Variants in MSRA observed in about 807,000 individuals in gnomAD.
The protein encoded by MSRA is mitochondrial peptide methionine sulfoxide reductase.
A neutral mutation model predicts 31.3 loss-of-function variants in MSRA; 54 were observed. The ratio of observed to expected loss-of-function variants is 1.73; its 90% CI spans 1.39 to 2.17. The LOEUF (loss-of-function observed/expected upper bound fraction) is 2.17. Ranked by LOEUF, MSRA falls within the 30% of genes most tolerant of loss-of-function variation. The probability of loss-of-function intolerance (pLI) is 0.00; values close to 1 mark genes in which losing one functional copy is unlikely to be tolerated. For missense variants in MSRA, 507 were observed against 300.9 expected, an observed-to-expected ratio of 1.69 and a Z score of -5.07; for synonymous variants, 169 against 116.5, an observed-to-expected ratio of 1.45 and a Z score of -2.90.
chr8:10,100,282 A>C (rs1471078606), intron 1 of MSRA, among the ~76,000 whole-genome samples: 1 of 151,970 alleles, frequency 6.6e-6, no homozygotes, highest in Non-Finnish European at 1.5e-5. Context: ...GGAGAGGGAG[A>C]GGCAGAGTCA....
intron 1 of MSRA, among the ~76,000 whole-genome samples, chr8:10,172,285 A>G (rs1805660237): frequency 6.6e-6 from 1 of 152,138 alleles, no homozygotes; most frequent in Admixed American, 6.5e-5. Flanking sequence ...TCAGCAAAGG[A>G]ATGCCATTTA....
At chr8:10,309,045 G>GATATCGTCCTCAGA in intron 4 of MSRA, among the ~76,000 whole-genome samples, 1 of 152,350 alleles carries the variant, frequency 6.6e-6, no homozygotes, top group Non-Finnish European at 1.5e-5. Context: ...CTCAGCTGAA[G>GATATCGTCCTCAGA]ATATCGTCCT....
chr8:10,095,555 TGA>T lies in MSRA; in HGVS notation c.142+40906_142+40907del, dbSNP rs1310651996. 3.1e-6 allele frequency: 3 copies of T among 983,520 alleles called. No individual in the cohort carries two copies. The African/African-American group carries it at 5.3e-5, about 17-fold the overall frequency. The allele number at this position is 983,520 out of a possible 1,614,324, so 60.9% of individuals were successfully genotyped here. A position where few individuals can be genotyped will look rare whatever the true frequency, so the allele number is the denominator to read the frequency against. ...GGTTGCCATACTGGGAGCAAAAGAG[TGA>T]GAGAGAGAAAGAGGGAGAGAGAGAG... On this transcript the variant is annotated intron_variant, in intron 1 of 5. Coordinates refer to ENST00000317173, the MANE Select transcript of MSRA (RefSeq NM_012331.5).
intron 1 of MSRA, among the ~76,000 whole-genome samples, chr8:10,123,321 G>A (rs995194899): frequency 5.9e-5 from 9 of 152,178 alleles, no homozygotes; most frequent in Non-Finnish European, 1.3e-4. Flanking sequence ...CTGCATGTAT[G>A]TTGTCTATTG....
In MSRA at chr8:10,319,208, C is replaced by T. The variant is rs533901102; in HGVS notation, c.437-675C>T. 7.9e-5 allele frequency among the ~76,000 whole-genome samples: 12 copies of T among 152,330 alleles called. No homozygotes were observed. In the East Asian group the frequency reaches 2.1e-3, roughly 27 times the overall value. On this transcript the variant is annotated intron_variant, in intron 4 of 5. Coordinates refer to ENST00000317173, the MANE Select transcript of MSRA (RefSeq NM_012331.5). ...ATGCTACTGGGTCCAATTCCTGAAT[C>T]CCAGTGCCTGGTTCATTTTCACCAC...
chr8:10,373,403 G>T (rs904295642), intron 5 of MSRA, among the ~76,000 whole-genome samples: 3 of 152,242 alleles, frequency 2.0e-5, no homozygotes, highest in Non-Finnish European at 4.4e-5. Flanking sequence ...CTGTGTTGCT[G>T]TGTTGCACAG....
intron 1 of MSRA, among the ~76,000 whole-genome samples, chr8:10,205,408 A>C (rs1374185951): frequency 6.6e-6 from 1 of 152,070 alleles, no homozygotes; most frequent in Non-Finnish European, 1.5e-5. Context: ...GACAGTTAGA[A>C]AGCAGGAGCA....
At chr8:10,295,546 C>T (rs371070053) in intron 3 of MSRA, among the ~76,000 whole-genome samples, 1 of 152,200 alleles carries the variant, frequency 6.6e-6, no homozygotes, top group East Asian at 1.9e-4. Flanking sequence ...GTTCTGACGG[C>T]TCTGCTCGGC....
intron 5 of MSRA, among the ~76,000 whole-genome samples, chr8:10,340,558 A>G (rs2129150084): frequency 6.6e-6 from 1 of 152,304 alleles, no homozygotes; most frequent in Middle Eastern, 3.4e-3. Context: ...TTTTTGGTAG[A>G]GACAGGGCCT....
intron 3 of MSRA, among the ~76,000 whole-genome samples, chr8:10,295,800 C>A (rs559778833): frequency 2.0e-4 from 31 of 152,242 alleles, no homozygotes; most frequent in Admixed American, 4.6e-4. Context: ...GTGCCTCTGC[C>A]CTCTCCCAGG....
Position 10,259,568 on chromosome 8 carries a change from C to A in MSRA, c.331+14345C>A, listed in dbSNP as rs538920128. Among the ~76,000 whole-genome samples the A allele has an allele frequency of 5.9e-4, 90 of 152,258 alleles. 1 individual carries two copies. The highest frequency in any genetic ancestry group is 5.9e-3 in the Admixed American group (90 of 15,296). ...CCTAAGTCACTGTCCCTCCCTTTCC[C>A]CATTCCCATTTCTTCTGAGTACTTA... On this transcript the variant is annotated intron_variant, in intron 3 of 5. Coordinates refer to ENST00000317173, the MANE Select transcript of MSRA (RefSeq NM_012331.5).
At chr8:10,289,964 G>C (rs1006413210) in intron 3 of MSRA, among the ~76,000 whole-genome samples, 3 of 152,180 alleles carry the variant, frequency 2.0e-5, no homozygotes, top group African/African-American at 7.2e-5. Flanking sequence ...AAAGTGCTTT[G>C]TGCTTTCCCC....
intron 2 of MSRA, 150 bp downstream of exon 2, chr8:10,208,051 A>G (rs1305069873): frequency 6.8e-6 from 4 of 587,058 alleles, no homozygotes; most frequent in Non-Finnish European, 1.2e-5. Flanking sequence ...TTGAGTTCCT[A>G]GTAATTTCTG....
intron 3 of MSRA, among the ~76,000 whole-genome samples, chr8:10,299,312 T>A (rs1198562650): frequency 1.3e-5 from 2 of 152,144 alleles, no homozygotes; most frequent in Non-Finnish European, 2.9e-5. Context: ...ATATTACCAT[T>A]TTTAATATTC....
At chr8:10,189,127 A>C (rs773799213) in intron 1 of MSRA, among the ~76,000 whole-genome samples, 29 of 152,306 alleles carry the variant, frequency 1.9e-4, no homozygotes, top group Non-Finnish European at 4.0e-4. Flanking sequence ...TGTTGTTATT[A>C]TGTAAAGTAC....
intron 1 of MSRA, among the ~76,000 whole-genome samples, chr8:10,074,095 T>A (rs1307195959): frequency 3.3e-5 from 3 of 92,012 alleles, no homozygotes; most frequent in East Asian, 6.3e-4. Context: ...TTTTTTTTTT[T>A]TTTATTAAAT....
intron 1 of MSRA, among the ~76,000 whole-genome samples, chr8:10,144,599 C>A (rs193098304): frequency 1.3e-5 from 2 of 151,868 alleles, no homozygotes; most frequent in Non-Finnish European, 2.9e-5. Flanking sequence ...CGCTTCCCCC[C>A]CTCCTCCCCC....
intron 5 of MSRA, among the ~76,000 whole-genome samples, chr8:10,397,039 C>G (rs1316963816): frequency 6.6e-6 from 1 of 152,216 alleles, no homozygotes; most frequent in African/African-American, 2.4e-5. Flanking sequence ...CATCTCTAGA[C>G]AGCTTAGAGC....
intron 5 of MSRA, among the ~76,000 whole-genome samples, chr8:10,407,390 G>C (rs933231590): frequency 1.3e-5 from 2 of 152,200 alleles, no homozygotes; most frequent in Non-Finnish European, 2.9e-5. Flanking sequence ...ACAAAGGTGG[G>C]TGATGGCTGA....
Sources: allele counts gnomAD v4.1 joint callset (sites outside exome capture counted in the v4.1 genomes callset), GRCh38; gene constraint gnomAD v4.1.1; transcripts MANE v1.5; gene names NCBI Gene and HGNC (gene_info 2026-07-23, HGNC 2026-07-21).